The following SYCE2 variants were observed in gnomAD, a reference collection of about 807,000 sequenced individuals.
SYCE2 encodes central element synaptonemal complex 1.
Under a neutral mutation model 27.9 loss-of-function variants are expected in SYCE2, and 3 were observed. The observed-to-expected ratio is 0.11, with a 90% CI of 0.05 to 0.28. The LOEUF is 0.28. Among genes scored for constraint, SYCE2 ranks in the 10% least tolerant of loss-of-function variants. The pLI is 1.00. For synonymous variants in SYCE2, 85 were observed against 100.7 expected (o/e 0.84, Z 0.93); for missense variants, 207 against 263.5 (o/e 0.79, Z 1.48).
At chr19:12,910,394 C>T (rs1473781781) in intron 2 of SYCE2, among the ~76,000 whole-genome samples, 2 of 137,866 alleles carry the variant, frequency 1.5e-5, no homozygotes, top group Admixed American at 6.8e-5. Flanking sequence ...GTCGCTCAGG[C>T]TGGAGTGACA....
chr19:12,901,979 A>G (rs1158165232), intron 3 of SYCE2, among the ~76,000 whole-genome samples: 5 of 152,194 alleles, frequency 3.3e-5, no homozygotes, highest in Admixed American at 3.3e-4. Flanking sequence ...CATTTTGGTC[A>G]ATGTCAGACT....
intron 2 of SYCE2, among the ~76,000 whole-genome samples, chr19:12,908,686 C>G (rs114205458): frequency 6.6e-6 from 1 of 152,074 alleles, no homozygotes; most frequent in Non-Finnish European, 1.5e-5. Context: ...GTTCCTCCCC[C>G]GGTTCTCAAA....
At chr19:12,911,501 A>C (rs1047902216) in intron 2 of SYCE2, among the ~76,000 whole-genome samples, 4 of 151,234 alleles carry the variant, frequency 2.6e-5, no homozygotes, top group Non-Finnish European at 4.4e-5. Flanking sequence ...GTGCAGTGGC[A>C]TGATCTTGGC....
At chr19:12,900,335 C>G (rs1970809528) in intron 4 of SYCE2, 125 bp downstream of exon 4, 3 of 1,169,072 alleles carry the variant, frequency 2.6e-6, no homozygotes, top group Middle Eastern at 2.9e-4. Context: ...GCACCAAGGG[C>G]TTTGCAGGGA....
At chr19:12,912,765 C>G (rs554814537) in intron 2 of SYCE2, among the ~76,000 whole-genome samples, 1 of 150,570 alleles carries the variant, frequency 6.6e-6, no homozygotes, top group African/African-American at 2.4e-5. Flanking sequence ...TTCATGGCAG[C>G]TAAGCAAACA....
At chr19:12,918,777 C>A (rs1971186634) in intron 1 of SYCE2, among the ~76,000 whole-genome samples, 1 of 151,986 alleles carries the variant, frequency 6.6e-6, no homozygotes, top group Admixed American at 6.6e-5. Context: ...TATGGTGAAA[C>A]CCCGTCTCTA....
chr19:12,900,153 G>A (rs1312350290), intron 4 of SYCE2, 33 bp from the exon 5 acceptor site: 3 of 1,592,660 alleles, frequency 1.9e-6, no homozygotes, highest in African/African-American at 2.7e-5. Flanking sequence ...AGCAGTGCCG[G>A]TCTGTGCCAG....
intron 5 of SYCE2, chr19:12,899,779 A>G (rs1423460816): frequency 1.2e-6 from 2 of 1,602,386 alleles, no homozygotes; most frequent in Non-Finnish European, 8.5e-7. Context: ...GGATGAGAGC[A>G]GACTCCATTT....
At chr19:12,912,775 A>G (rs2145978828) in intron 2 of SYCE2, among the ~76,000 whole-genome samples, 1 of 152,064 alleles carries the variant, frequency 6.6e-6, no homozygotes, top group South Asian at 2.1e-4. Context: ...CTAAGCAAAC[A>G]GTAAAAAAAA....
chr19:12,907,005 T>C (rs1765876689), intron 2 of SYCE2, among the ~76,000 whole-genome samples: 1 of 152,158 alleles, frequency 6.6e-6, no homozygotes, highest in Non-Finnish European at 1.5e-5. Flanking sequence ...AGGCAACCCA[T>C]TGGTATTTTA....
intron 2 of SYCE2, among the ~76,000 whole-genome samples, chr19:12,917,065 C>CTTTT (rs774437768): frequency 7.8e-6 from 1 of 128,518 alleles, no homozygotes; most frequent in East Asian, 2.3e-4. Flanking sequence ...TATATATATA[C>CTTTT]TTTTTTTTTT....
At chr19:12,899,736 C>G in intron 5 of SYCE2, 1 of 1,611,752 alleles carries the variant, frequency 6.2e-7, no homozygotes, top group Non-Finnish European at 8.5e-7. Flanking sequence ...AGATGGAATT[C>G]TCTGTAGAGC....
Position 12,899,299 on chromosome 19 carries a change from C to T in SYCE2, c.*42G>A. The T allele has an allele frequency of 6.4e-7, 1 of 1,561,250 alleles. No individual in the cohort carries two copies. Among genetic ancestry groups the T allele is most frequent in the Admixed American group, 1.7e-5 (1 of 59,912 alleles). ...GCCCAAATGGTGGCCTCACAGTCTTCTCCTGGAGACTGTCACTAAGGCGTG... is the reference window on the plus strand; with the variant it reads ...GCCCAAATGGTGGCCTCACAGTCTTTTCCTGGAGACTGTCACTAAGGCGTG... On this transcript the variant is annotated 3_prime_UTR_variant, in exon 6 of 6. Coordinates refer to ENST00000293695, the MANE Select transcript of SYCE2 (RefSeq NM_001105578.2).
At chr19:12,904,738 A>G (rs1970901668) in intron 2 of SYCE2, 72 bp from the exon 3 acceptor site, 1 of 1,552,198 alleles carries the variant, frequency 6.4e-7, no homozygotes, top group Non-Finnish European at 8.8e-7. Flanking sequence ...GTAGTCGCTC[A>G]TGCCTGTAAT....
Position 12,919,012 on chromosome 19 carries a change from T to C in SYCE2, c.15+231A>G, listed in dbSNP as rs539125256. Among the ~76,000 whole-genome samples the C allele has an allele frequency of 2.6e-5, 4 of 151,578 alleles. No individual in the cohort carries two copies. In the South Asian group the frequency reaches 8.4e-4, roughly 32 times the overall value. On this transcript the variant is annotated intron_variant, in intron 1 of 5. Coordinates refer to ENST00000293695, the MANE Select transcript of SYCE2 (RefSeq NM_001105578.2). ...CGGTGCGTGGGTGTTTGTGCCTTTC[T>C]CTACTCCGTTCCGGCCACGCGCCAT... is the stretch of plus-strand genomic sequence containing the variant.
intron 2 of SYCE2, 128 bp from the exon 3 acceptor site, chr19:12,904,794 T>C (rs2044473192): frequency 2.9e-6 from 3 of 1,045,722 alleles, no homozygotes; most frequent in Non-Finnish European, 4.1e-6. Context: ...AGGTCAGGAG[T>C]TCGAGACCAG....
chr19:12,914,164 C>T (rs1287493166), intron 2 of SYCE2: 1 of 152,254 alleles, frequency 6.6e-6, no homozygotes, highest in African/African-American at 2.4e-5. Context: ...ACACAGAACT[C>T]ATGTTCTTGT....
At position 12,917,343 on chromosome 19, in the gene SYCE2, C is replaced by T. The variant is rs987738604; in HGVS notation, c.131+879G>A. Among the ~76,000 whole-genome samples, 8 of 152,128 alleles carry T rather than the reference C, an allele frequency of 5.3e-5. No individual in the cohort carries two copies. In the East Asian group the frequency reaches 7.7e-4, roughly 15 times the overall value. The stretch of plus-strand genomic sequence containing the variant: ...TGCTGGGATTACAGGCGTAAGCCAC[C>T]GTGCCCGGCCTACTAAATTTTTCTT... On this transcript the variant is annotated intron_variant, in intron 2 of 5. Transcript: ENST00000293695.
intron 2 of SYCE2, chr19:12,913,922 G>C (rs1971090928): frequency 6.6e-6 from 1 of 152,236 alleles, no homozygotes; most frequent in South Asian, 2.1e-4. Flanking sequence ...TGTGCGAGGA[G>C]AGGGAAGCTG....
Sources: allele counts gnomAD v4.1 joint callset (sites outside exome capture counted in the v4.1 genomes callset), GRCh38; gene constraint gnomAD v4.1.1; transcripts MANE v1.5; gene names NCBI Gene and HGNC (gene_info 2026-07-23, HGNC 2026-07-21).